Variants in PWWP2A observed in about 807,000 individuals in gnomAD.
PWWP2A encodes the protein PWWP domain containing 2A.
A neutral mutation model predicts 48.5 loss-of-function variants in PWWP2A; 18 were observed. That is an observed-to-expected ratio of 0.37 (90% CI 0.26 to 0.55). The LOEUF (loss-of-function observed/expected upper bound fraction) is 0.55. Ranked by LOEUF, PWWP2A falls within the 20% of genes least tolerant of loss-of-function variation. PWWP2A has a pLI of 0.81. For missense variants in PWWP2A, 867 were observed against 976.4 expected (o/e 0.89, Z 1.49); for synonymous variants, 396 against 387.7 (o/e 1.02, Z -0.25).
chr5:160,094,186 A>G, intron 1 of PWWP2A, 121 bp from the exon 2 acceptor site: 8 of 1,209,120 alleles, frequency 6.6e-6, no homozygotes, highest in Non-Finnish European at 8.8e-6. Flanking sequence ...ATTTCATATT[A>G]AAAAACAAGA....
chr5:160,068,980 G>T (rs1294590161), intron 2 of PWWP2A, among the ~76,000 whole-genome samples: 2 of 152,106 alleles, frequency 1.3e-5, no homozygotes, highest in African/African-American at 4.8e-5. Flanking sequence ...GTCAGCTTAG[G>T]AGGCTTACTT....
At chr5:160,089,866 T>A, downstream of PWWP2A, 1 of 985,280 alleles carries the variant, frequency 1.0e-6, no homozygotes, top group Non-Finnish European at 1.2e-6. Flanking sequence ...AAGAGAAATA[T>A]AAAGTGGCTA....
At chr5:160,090,542 CAT>C (rs750376560), downstream of PWWP2A, 101 of 983,794 alleles carry the variant, frequency 1.0e-4, no homozygotes, top group Non-Finnish European at 1.1e-4. Context: ...TCAAGTGAAA[CAT>C]GTTTTCAAAA....
chr5:160,062,316 A>G (rs1180107531), intron 5 of PWWP2A, among the ~76,000 whole-genome samples: 6 of 152,186 alleles, frequency 3.9e-5, no homozygotes, highest in Non-Finnish European at 7.4e-5. Context: ...AGACCAGCCT[A>G]AAGCCAAGCC....
chr5:160,115,383 C>T (rs975736504), intron 1 of PWWP2A, among the ~76,000 whole-genome samples: 1 of 151,920 alleles, frequency 6.6e-6, no homozygotes, highest in African/African-American at 2.4e-5. Flanking sequence ...CAGTGAGACC[C>T]TCATCTCTAC....
At chr5:160,109,364 A>T (rs981620404) in intron 1 of PWWP2A, among the ~76,000 whole-genome samples, 2 of 151,544 alleles carry the variant, frequency 1.3e-5, no homozygotes, top group Non-Finnish European at 2.9e-5. Flanking sequence ...AAAAAAAAAA[A>T]TGATTCAGAA....
downstream of PWWP2A, chr5:160,090,313 A>G (rs1754961869): frequency 6.1e-6 from 6 of 985,154 alleles, no homozygotes; most frequent in Non-Finnish European, 7.2e-6. Context: ...TCATTACACA[A>G]AGCCTTGGAA....
rs537128522 is a variant in PWWP2A at position 160,108,813 on chromosome 5, C to G, written c.584+9992G>C. On this transcript the variant is annotated intron_variant, in intron 1 of 1. Transcript: ENST00000307063. ...AATTCTGAAATACAGCTAGCTACCC[C>G]CTTTAATATGCACATACCACAAAAT... Among the ~76,000 whole-genome samples the G allele has an allele frequency of 2.6e-5, 4 of 152,248 alleles. No homozygotes were observed. The South Asian group carries it at 8.3e-4, about 32-fold the overall frequency.
chr5:160,090,588 A>G, downstream of PWWP2A: 1 of 984,702 alleles, frequency 1.0e-6, no homozygotes. Flanking sequence ...GCATTGAGTG[A>G]GTTCCCCATA....
At chr5:160,113,280 A>G (rs1757780657) in intron 1 of PWWP2A, 1 of 979,018 alleles carries the variant, frequency 1.0e-6, no homozygotes, top group Non-Finnish European at 1.2e-6. Context: ...TTTTCACAGA[A>G]TGATTCTCCT....
the PWWP2A span, among the ~76,000 whole-genome samples, chr5:160,045,526 T>TA: frequency 1.7e-4 from 21 of 122,952 alleles, no homozygotes; most frequent in African/African-American, 6.4e-4. Context: ...ACACACTCTC[T>TA]CTCTCTCTCT....
chr5:160,057,268 G>A (rs556387693), downstream of PWWP2A, among the ~76,000 whole-genome samples: 5 of 152,212 alleles, frequency 3.3e-5, 1 homozygote, highest in East Asian at 3.9e-4. The surrounding 1 kb of genome is among the most constrained non-coding windows in gnomAD (Gnocchi z 4.4). Flanking sequence ...AAATACAGGC[G>A]TACCTCAGAG....
At chr5:160,116,071 A>AT (rs1167581751) in intron 1 of PWWP2A, among the ~76,000 whole-genome samples, 2 of 151,754 alleles carry the variant, frequency 1.3e-5, no homozygotes, top group Admixed American at 1.3e-4. Flanking sequence ...CATTTCCACA[A>AT]TTTTTTTTAA....
chr5:160,095,477 T>C (rs1755540470), intron 1 of PWWP2A, among the ~76,000 whole-genome samples: 4 of 152,154 alleles, frequency 2.6e-5, no homozygotes, highest in Admixed American at 2.6e-4. Context: ...GGTTAGCATG[T>C]TGACTATATG....
chr5:160,114,673 C>G (rs6556468), intron 1 of PWWP2A, among the ~76,000 whole-genome samples: 114,579 of 150,932 alleles, frequency 0.76, 43,428 homozygotes, highest in East Asian at 0.87. Flanking sequence ...TGAGGCGGAA[C>G]AATCACTTAA....
At chr5:160,110,496 C>T (rs567517087) in intron 1 of PWWP2A, among the ~76,000 whole-genome samples, 2 of 152,054 alleles carry the variant, frequency 1.3e-5, no homozygotes, top group Non-Finnish European at 2.9e-5. Flanking sequence ...CACCTAAGGT[C>T]GGGAGTTCAA....
chr5:160,088,363 G>C (rs549020106), downstream of PWWP2A, among the ~76,000 whole-genome samples: 2 of 152,288 alleles, frequency 1.3e-5, no homozygotes, highest in South Asian at 2.1e-4. Context: ...CTCTCGAGTA[G>C]CTGGGATTAC....
At chr5:160,103,973 A>T (rs967604639) in intron 1 of PWWP2A, among the ~76,000 whole-genome samples, 2 of 151,812 alleles carry the variant, frequency 1.3e-5, no homozygotes, top group African/African-American at 4.8e-5. Flanking sequence ...AATACAAAAA[A>T]ATTAGAAGGG....
chr5:160,115,727 G>A (rs1167959313), intron 1 of PWWP2A, among the ~76,000 whole-genome samples: 1 of 151,846 alleles, frequency 6.6e-6, no homozygotes, highest in African/African-American at 2.4e-5. Context: ...AGCCAGGCGT[G>A]GTGGTATGCG....
Sources: gnomAD v4.1 joint callset for allele counts (sites outside exome capture counted in the v4.1 genomes callset) on GRCh38, gnomAD v4.1.1 for gene constraint, Gnocchi (gnomAD v3.1) non-coding constraint, MANE v1.5 for transcripts, NCBI Gene and HGNC (gene_info 2026-07-23, HGNC 2026-07-21) for gene names.